Variants in SIN3B observed in about 807,000 individuals in gnomAD.
The protein encoded by SIN3B is SIN3 transcription regulator family member B, also known as paired amphipathic helix protein Sin3b.
SIN3B carries 19 observed loss-of-function variants against 120.2 expected under a neutral mutation model. That is an observed-to-expected ratio of 0.16 (90% CI 0.11 to 0.23). SIN3B has a LOEUF of 0.23. Ranked by LOEUF, SIN3B falls within the 10% of genes least tolerant of loss-of-function variation. The probability of loss-of-function intolerance (pLI) is 1.00; values close to 1 mark genes in which losing one functional copy is unlikely to be tolerated. For missense variants in SIN3B, 1,073 were observed against 1,573.0 expected (o/e 0.68, Z 5.38); for synonymous variants, 654 against 653.2 (o/e 1.00, Z -0.02).
chr19:16,867,586 C>T (rs1276978126), intron 12 of SIN3B, among the ~76,000 whole-genome samples: 1 of 152,236 alleles, frequency 6.6e-6, no homozygotes, highest in Non-Finnish European at 1.5e-5. Flanking sequence ...GTGCCCAGAT[C>T]ATGGCACGGG....
At chr19:16,875,241 T>TG (rs1416543226) in intron 14 of SIN3B, among the ~76,000 whole-genome samples, 1 of 140,896 alleles carries the variant, frequency 7.1e-6, no homozygotes, top group Admixed American at 7.1e-5. Context: ...TGGTCTGGTC[T>TG]GTTTGGTCTG....
At chr19:16,877,704 C>A in intron 17 of SIN3B, 65 bp downstream of exon 17, 1 of 1,167,654 alleles carries the variant, frequency 8.6e-7, no homozygotes, top group South Asian at 1.3e-5. Context: ...TCCCCTTTGT[C>A]CTGACGGGGG....
At chr19:16,869,156 G>T (rs932014036) in intron 12 of SIN3B, among the ~76,000 whole-genome samples, 13 of 152,172 alleles carry the variant, frequency 8.5e-5, no homozygotes, top group African/African-American at 3.1e-4. Context: ...GACGCTGTCA[G>T]ACCCCCTGTG....
intron 1 of SIN3B, 49 bp from the exon 2 acceptor site, chr19:16,829,742 C>G (rs927239581): frequency 4.0e-6 from 6 of 1,517,778 alleles, no homozygotes; most frequent in Admixed American, 1.7e-5. Flanking sequence ...GGCCCCTCGT[C>G]CCCTCGTTCC....
intron 8 of SIN3B, among the ~76,000 whole-genome samples, chr19:16,859,574 G>C (rs1374723691): frequency 6.6e-6 from 1 of 152,152 alleles, no homozygotes; most frequent in Non-Finnish European, 1.5e-5. Context: ...GTGTTGGGGT[G>C]ATCTTTTCAG....
chr19:16,834,148 A>G (rs559496296), intron 3 of SIN3B, among the ~76,000 whole-genome samples: 1 of 152,144 alleles, frequency 6.6e-6, no homozygotes, highest in Non-Finnish European at 1.5e-5. Context: ...AGACCATGAA[A>G]GCCTTAGCAA....
chr19:16,856,606 CTG>C (rs1971617584), intron 8 of SIN3B, among the ~76,000 whole-genome samples: 1 of 151,426 alleles, frequency 6.6e-6, no homozygotes. Flanking sequence ...GAGTCTTGCT[CTG>C]TTGCCCAGGC....
intron 5 of SIN3B, among the ~76,000 whole-genome samples, chr19:16,848,458 T>C (rs1010485482): frequency 4.6e-5 from 7 of 151,806 alleles, no homozygotes; most frequent in East Asian, 1.9e-4. Flanking sequence ...CTTTTGTTTT[T>C]AGTAGCCATC....
intron 8 of SIN3B, among the ~76,000 whole-genome samples, chr19:16,860,179 C>T (rs559252403): frequency 3.9e-5 from 6 of 152,314 alleles, no homozygotes; most frequent in Non-Finnish European, 7.3e-5. Context: ...GTGCTTGACA[C>T]GAGGCCTGGT....
chr19:16,835,425 C>T (rs1214862425), intron 3 of SIN3B, among the ~76,000 whole-genome samples: 2 of 151,370 alleles, frequency 1.3e-5, no homozygotes, highest in Admixed American at 6.6e-5. Context: ...GATGGGATTT[C>T]ACCATGTTGG....
Position 16,854,217 on chromosome 19 carries a change from G to A in SIN3B, c.1014G>A (p.Leu338=), listed in dbSNP as rs765712804. 6.2e-7 allele frequency: 1 copy of A among 1,612,980 alleles called. No homozygotes were observed. Among genetic ancestry groups the A allele is most frequent in the South Asian group, 1.1e-5 (1 of 90,984 alleles). The change falls in exon 8 of 19, where the codon CTG becomes CTA. Residue 338 remains leucine (L), a synonymous_variant. Transcript: ENST00000248054. ...LRCIALFNQE[L]VSGSELLQLV... is the part of the protein sequence containing the mutation. ...GCATCGCACTCTTCAACCAGGAGCT[G>A]GTGTCTGGCTCTGAGCTCCTGCAGC...
intron 12 of SIN3B, among the ~76,000 whole-genome samples, chr19:16,866,982 C>T (rs1599609235): frequency 6.6e-6 from 1 of 152,242 alleles, no homozygotes. Context: ...GTCTTGAACT[C>T]CTGACCTCGT....
intron 4 of SIN3B, among the ~76,000 whole-genome samples, chr19:16,842,969 T>C (rs1289047808): frequency 6.6e-6 from 1 of 152,198 alleles, no homozygotes; most frequent in African/African-American, 2.4e-5. Flanking sequence ...TCAGGGCGTC[T>C]GCAGGGGACT....
chr19:16,873,863 C>T (rs548071180), intron 14 of SIN3B, among the ~76,000 whole-genome samples: 105 of 152,362 alleles, frequency 6.9e-4, no homozygotes, highest in African/African-American at 2.4e-3. Context: ...GACTCTGCCT[C>T]CCTTTTTCTT....
At chr19:16,841,191 T>C (rs1971412564) in intron 3 of SIN3B, among the ~76,000 whole-genome samples, 1 of 152,110 alleles carries the variant, frequency 6.6e-6, no homozygotes, top group Non-Finnish European at 1.5e-5. Flanking sequence ...TTGGTGGGTG[T>C]TCAGGGCCTG....
Position 16,876,337 on chromosome 19 carries a change from C to T in SIN3B, c.2766+109C>T. On this transcript the variant is annotated intron_variant, in intron 15 of 18. Coordinates refer to ENST00000248054, the MANE Select transcript of SIN3B (RefSeq NM_001297595.2). The surrounding 1 kb of genome is among the most constrained non-coding windows in gnomAD (Gnocchi z 7.1). ...TTCAGCGGCTGGGACACCGGCCCTG[C>T]TGCAGAGCCCATGAGGTACCTTTGA... 7.1e-7 allele frequency: 1 copy of T among 1,410,330 alleles called. No homozygotes were observed. The highest frequency in any genetic ancestry group is 9.7e-7 in the Non-Finnish European group (1 of 1,035,116). The allele number at this position is 1,410,330 out of a possible 1,614,324, so 87.4% of individuals were successfully genotyped here. A position where few individuals can be genotyped will look rare whatever the true frequency, so the allele number is the denominator to read the frequency against.
chr19:16,848,279 T>G (rs1013293804), intron 5 of SIN3B, among the ~76,000 whole-genome samples: 5 of 152,170 alleles, frequency 3.3e-5, no homozygotes, highest in Non-Finnish European at 2.9e-5. Flanking sequence ...GGAGTGGAAT[T>G]CCTGGGTCAC....
intron 14 of SIN3B, among the ~76,000 whole-genome samples, chr19:16,874,798 T>A (rs1338486135): frequency 6.6e-6 from 1 of 151,832 alleles, no homozygotes; most frequent in Non-Finnish European, 1.5e-5. Flanking sequence ...TGGTGTGGTT[T>A]GGTCTGATCT....
chr19:16,876,244 G>T lies in SIN3B; in HGVS notation c.2766+16G>T. On this transcript the variant is annotated intron_variant, in intron 15 of 18. Transcript: ENST00000248054. This position sits in a 1 kb window ranked among gnomAD's most constrained non-coding sequence, Gnocchi z 7.1. ...CTGCTTCAAGGTGAGAGGAGGCCTG[G>T]GGCTGGGAACACGCCGGGAGGCCCG... is the stretch of plus-strand genomic sequence containing the variant. 6.2e-7 allele frequency: 1 copy of T among 1,602,520 alleles called. No individual in the cohort carries two copies.
Sources: gnomAD v4.1 joint callset for allele counts (sites outside exome capture counted in the v4.1 genomes callset) on GRCh38, gnomAD v4.1.1 for gene constraint, Gnocchi (gnomAD v3.1) non-coding constraint, MANE v1.5 for transcripts, NCBI Gene and HGNC (gene_info 2026-07-23, HGNC 2026-07-21) for gene names.